CCDC91: variants seen among roughly 807,000 people sequenced by gnomAD.
CCDC91 encodes the protein coiled-coil domain containing 91, also known as coiled-coil domain-containing protein 91.
CCDC91 carries 48 observed loss-of-function variants against 63.2 expected under a neutral mutation model. The observed-to-expected ratio is 0.76, with a 90% CI of 0.60 to 0.97. CCDC91 has a LOEUF of 0.97. Ranked by LOEUF, CCDC91 falls within the 50% of genes least tolerant of loss-of-function variation. CCDC91 has a pLI of 0.00. For synonymous variants in CCDC91, 167 were observed against 165.8 expected (o/e 1.01, Z -0.06); for missense variants, 500 against 494.6 (o/e 1.01, Z -0.10).
At chr12:28,238,599 A>G (rs1208168969) in intron 1 of CCDC91, among the ~76,000 whole-genome samples, 1 of 152,220 alleles carries the variant, frequency 6.6e-6, no homozygotes, top group Non-Finnish European at 1.5e-5. Flanking sequence ...ACACACTTCC[A>G]TATATAAGCA....
chr12:28,400,948 C>A (rs1325112217), intron 8 of CCDC91, among the ~76,000 whole-genome samples: 1 of 152,156 alleles, frequency 6.6e-6, no homozygotes, highest in Non-Finnish European at 1.5e-5. Flanking sequence ...CCAAACTTTC[C>A]CACATCTTCC....
chr12:28,315,890 C>T (rs1939811083), intron 6 of CCDC91, among the ~76,000 whole-genome samples: 2 of 151,544 alleles, frequency 1.3e-5, no homozygotes, highest in Admixed American at 1.3e-4. Context: ...TTCCTTCTGT[C>T]TCATTTAGAT....
intron 1 of CCDC91, among the ~76,000 whole-genome samples, chr12:28,209,579 C>T (rs565636032): frequency 9.9e-5 from 15 of 152,072 alleles, no homozygotes; most frequent in Admixed American, 2.0e-4. Context: ...TACAGGTGCC[C>T]GCCACCAGGC....
intron 11 of CCDC91, among the ~76,000 whole-genome samples, chr12:28,473,732 C>A (rs1253048470): frequency 6.6e-6 from 1 of 152,052 alleles, no homozygotes; most frequent in Non-Finnish European, 1.5e-5. Flanking sequence ...ACTCAAAAAT[C>A]ATTTACTTTG....
chr12:28,346,197 T>G (rs777597049), intron 6 of CCDC91, among the ~76,000 whole-genome samples: 3 of 152,216 alleles, frequency 2.0e-5, no homozygotes, highest in Non-Finnish European at 4.4e-5. Context: ...CCCAGGGTCT[T>G]TAGTGTAGTT....
chr12:28,408,037 T>C (rs949413740), intron 8 of CCDC91, among the ~76,000 whole-genome samples: 21 of 151,838 alleles, frequency 1.4e-4, no homozygotes, highest in African/African-American at 5.1e-4. Context: ...TGCATAGGTA[T>C]ACATGTGCCA....
chr12:28,293,570 T>A (rs75067079), intron 3 of CCDC91, among the ~76,000 whole-genome samples: 5,508 of 152,330 alleles, frequency 0.036, 145 homozygotes, highest in Non-Finnish European at 0.051. Flanking sequence ...TTGCTTTCTC[T>A]TTAGGCATTT....
At chr12:28,489,615 GT>G (rs1951892485) in intron 12 of CCDC91, among the ~76,000 whole-genome samples, 1 of 151,804 alleles carries the variant, frequency 6.6e-6, no homozygotes, top group South Asian at 2.1e-4. Context: ...TATTGCCTGT[GT>G]TTTCTAAATC....
At chr12:28,304,787 A>G in intron 3 of CCDC91, 2 of 434,174 alleles carry the variant, frequency 4.6e-6, no homozygotes, top group South Asian at 2.0e-5. Context: ...AAATTTTAAA[A>G]TACATAATAC....
chr12:28,275,450 A>G (rs1002915163), intron 3 of CCDC91, among the ~76,000 whole-genome samples: 5 of 152,182 alleles, frequency 3.3e-5, no homozygotes, highest in African/African-American at 7.2e-5. Context: ...ATAGACCAAT[A>G]ACAGGCTCTG....
chr12:28,261,487 A>C (rs1946820305), intron 3 of CCDC91, among the ~76,000 whole-genome samples: 2 of 152,064 alleles, frequency 1.3e-5, no homozygotes, highest in Admixed American at 1.3e-4. Flanking sequence ...ATTTCAAAGA[A>C]GCTATGGGCA....
intron 6 of CCDC91, among the ~76,000 whole-genome samples, chr12:28,320,560 G>C (rs1402924829): frequency 6.6e-6 from 1 of 151,842 alleles, no homozygotes; most frequent in Non-Finnish European, 1.5e-5. Flanking sequence ...GTCAGACTTT[G>C]ACCTCAGCCA....
At chr12:28,254,680 C>T (rs1020354438) in intron 1 of CCDC91, among the ~76,000 whole-genome samples, 2 of 151,278 alleles carry the variant, frequency 1.3e-5, no homozygotes, top group African/African-American at 4.9e-5. Flanking sequence ...AAAAATATTT[C>T]TCTAGAATTA....
intron 12 of CCDC91, among the ~76,000 whole-genome samples, chr12:28,504,259 GA>G (rs1468374818): frequency 1.3e-5 from 2 of 151,816 alleles, no homozygotes; most frequent in African/African-American, 4.8e-5. Context: ...CTAGTAAGAA[GA>G]AAGTTTTTGT....
At chr12:28,428,016 T>C (rs901067372) in intron 8 of CCDC91, among the ~76,000 whole-genome samples, 1 of 152,164 alleles carries the variant, frequency 6.6e-6, no homozygotes, top group African/African-American at 2.4e-5. Context: ...TTGAAAATTA[T>C]TGGTACTAAG....
intron 11 of CCDC91, among the ~76,000 whole-genome samples, chr12:28,466,710 C>A (rs1950567574): frequency 1.3e-5 from 2 of 152,024 alleles, no homozygotes; most frequent in African/African-American, 4.8e-5. Flanking sequence ...ATAAGAAATG[C>A]TAAAGGGAGT....
At chr12:28,377,079 C>T (rs1243289312) in intron 7 of CCDC91, among the ~76,000 whole-genome samples, 9 of 149,774 alleles carry the variant, frequency 6.0e-5, no homozygotes, top group African/African-American at 2.2e-4. Context: ...TGTAAGGAAT[C>T]TCTTTTAAGG....
chr12:28,507,005 T>C (rs1938809774), intron 12 of CCDC91, among the ~76,000 whole-genome samples: 1 of 152,092 alleles, frequency 6.6e-6, no homozygotes, highest in East Asian at 1.9e-4. Context: ...AATTCATATA[T>C]GTGCAGATAA....
intron 1 of CCDC91, among the ~76,000 whole-genome samples, chr12:28,197,475 G>C (rs1053690239): frequency 3.3e-5 from 5 of 151,888 alleles, no homozygotes; most frequent in African/African-American, 9.7e-5. Context: ...TATGTATGTT[G>C]TTTTATTGAA....
Sources: allele counts gnomAD v4.1 joint callset (sites outside exome capture counted in the v4.1 genomes callset), GRCh38; gene constraint gnomAD v4.1.1; transcripts MANE v1.5; gene names NCBI Gene and HGNC (gene_info 2026-07-23, HGNC 2026-07-21).